The following GPHN variants were observed in gnomAD, a reference collection of about 807,000 sequenced individuals.
The protein encoded by GPHN is gephyrin.
GPHN carries 17 observed loss-of-function variants against 95.5 expected under a neutral mutation model. The observed-to-expected ratio is 0.18, with a 90% CI of 0.12 to 0.27. GPHN has a LOEUF of 0.27. GPHN is among the 10% of genes least tolerant of loss of function. The pLI, the probability that GPHN is intolerant of heterozygous loss-of-function variation, is 1.00. For missense variants in GPHN, 660 were observed against 978.1 expected, an observed-to-expected ratio of 0.67 and a Z score of 4.34; for synonymous variants, 320 against 322.5, an observed-to-expected ratio of 0.99 and a Z score of 0.08.
chr14:67,594,108 T>C, the GPHN span, among the ~76,000 whole-genome samples: 5 of 152,318 alleles, frequency 3.3e-5, no homozygotes, highest in African/African-American at 9.6e-5. Flanking sequence ...AGACAACAAA[T>C]GGATAGGTCT....
chr14:67,342,736 T>C, the GPHN span, among the ~76,000 whole-genome samples: 3 of 150,912 alleles, frequency 2.0e-5, no homozygotes. Context: ...ATATTATACA[T>C]AGTTAATATA....
intron 1 of GPHN, among the ~76,000 whole-genome samples, chr14:66,584,041 T>C (rs1226403938): frequency 6.6e-6 from 1 of 152,186 alleles, no homozygotes; most frequent in Admixed American, 6.6e-5. Context: ...TTCCATTTGT[T>C]TGTAACCTCT....
At chr14:66,637,114 C>T (rs1179055916) in intron 1 of GPHN, among the ~76,000 whole-genome samples, 2 of 152,022 alleles carry the variant, frequency 1.3e-5, no homozygotes, top group African/African-American at 4.8e-5. Context: ...GTTTAATAAT[C>T]TTGTCACTTT....
the GPHN span, among the ~76,000 whole-genome samples, chr14:67,273,180 A>G: frequency 6.7e-6 from 1 of 150,180 alleles, no homozygotes; most frequent in Non-Finnish European, 1.5e-5. Flanking sequence ...GGTTTCTTAC[A>G]TATGTATGCA....
chr14:66,563,497 C>T (rs1295727143), intron 1 of GPHN, among the ~76,000 whole-genome samples: 2 of 152,238 alleles, frequency 1.3e-5, no homozygotes, highest in African/African-American at 4.8e-5. Flanking sequence ...GTTTTATGCT[C>T]ATTTGAGCAT....
At chr14:67,169,300 A>G (rs2082462147) in intron 21 of GPHN, among the ~76,000 whole-genome samples, 1 of 152,174 alleles carries the variant, frequency 6.6e-6, no homozygotes, top group Non-Finnish European at 1.5e-5. Flanking sequence ...CTTGAGTGAT[A>G]CTTAAGGACA....
At chr14:67,137,591 C>G (rs1207231624) in intron 17 of GPHN, among the ~76,000 whole-genome samples, 1 of 152,082 alleles carries the variant, frequency 6.6e-6, no homozygotes. Context: ...TGGTGAAACC[C>G]TGTCTACAAA....
At chr14:67,509,321 T>G in the GPHN span, among the ~76,000 whole-genome samples, 2 of 89,520 alleles carry the variant, frequency 2.2e-5, no homozygotes, top group Non-Finnish European at 3.2e-5. Context: ...ACATCAACTC[T>G]CTCTTTTTTT....
intron 9 of GPHN, among the ~76,000 whole-genome samples, chr14:67,005,547 G>A (rs11158651): frequency 0.26 from 39,304 of 151,688 alleles, 8,587 homozygotes; most frequent in African/African-American, 0.56. Flanking sequence ...TGTATTTGAT[G>A]TCAGAGTATT....
chr14:67,334,727 T>C, the GPHN span: 13 of 152,374 alleles, frequency 8.5e-5, no homozygotes, highest in African/African-American at 3.1e-4. Flanking sequence ...TCTCTTCAGA[T>C]CTGAAATACT....
chr14:67,477,517 T>C, the GPHN span, among the ~76,000 whole-genome samples: 3 of 152,310 alleles, frequency 2.0e-5, no homozygotes, highest in South Asian at 4.1e-4. Flanking sequence ...CAATATTATA[T>C]TGAGAATTTC....
intron 11 of GPHN, among the ~76,000 whole-genome samples, chr14:67,087,130 A>G (rs2076938396): frequency 6.6e-6 from 1 of 152,046 alleles, no homozygotes; most frequent in Non-Finnish European, 1.5e-5. Context: ...GAGATTATAT[A>G]TGTGATTCAT....
At chr14:66,587,818 G>C (rs1197607442) in intron 1 of GPHN, among the ~76,000 whole-genome samples, 1 of 152,206 alleles carries the variant, frequency 6.6e-6, no homozygotes, top group Non-Finnish European at 1.5e-5. Flanking sequence ...AGCTTCGGCA[G>C]ACTTAAATGT....
intron 1 of GPHN, among the ~76,000 whole-genome samples, chr14:66,608,604 A>G (rs1013643291): frequency 6.6e-6 from 1 of 152,064 alleles, no homozygotes; most frequent in Non-Finnish European, 1.5e-5. Context: ...TCCCAGTATT[A>G]TTATGTGGCT....
At chr14:67,082,128 C>T (rs2076718649) in intron 11 of GPHN, among the ~76,000 whole-genome samples, 1 of 152,102 alleles carries the variant, frequency 6.6e-6, no homozygotes, top group South Asian at 2.1e-4. Context: ...TTTTCTAGTT[C>T]TGTGAAGAAT....
intron 1 of GPHN, among the ~76,000 whole-genome samples, chr14:66,596,496 C>A (rs778987534): frequency 6.6e-6 from 1 of 152,184 alleles, no homozygotes; most frequent in Non-Finnish European, 1.5e-5. Context: ...CCCTGTCAGC[C>A]TTTCTCCCAT....
intron 18 of GPHN, among the ~76,000 whole-genome samples, chr14:67,155,448 A>G (rs1265744939): frequency 1.3e-5 from 2 of 152,246 alleles, no homozygotes; most frequent in Non-Finnish European, 2.9e-5. Flanking sequence ...GAAACAATTG[A>G]TAAAGTAGAC....
At chr14:66,994,348 T>G (rs1352524418) in intron 9 of GPHN, among the ~76,000 whole-genome samples, 2 of 151,690 alleles carry the variant, frequency 1.3e-5, no homozygotes, top group African/African-American at 4.8e-5. Context: ...CCTGGGCAAC[T>G]GAGTAAAACT....
At chr14:67,192,954 ATATC>A in the GPHN span, among the ~76,000 whole-genome samples, 47 of 146,790 alleles carry the variant, frequency 3.2e-4, no homozygotes, top group Middle Eastern at 4.3e-3. Context: ...ATATCTCTAT[ATATC>A]TATATATCGA....
Sources: allele counts gnomAD v4.1 joint callset (sites outside exome capture counted in the v4.1 genomes callset), GRCh38; gene constraint gnomAD v4.1.1; transcripts MANE v1.5; gene names NCBI Gene and HGNC (gene_info 2026-07-23, HGNC 2026-07-21).